SUSD1: variants seen among roughly 807,000 people sequenced by gnomAD.
SUSD1 encodes the protein sushi domain-containing protein 1.
SUSD1 carries 65 observed loss-of-function variants against 86.9 expected under a neutral mutation model. That is an observed-to-expected ratio of 0.75 (90% CI 0.61 to 0.92). SUSD1 has a LOEUF of 0.92. SUSD1 is among the 40% of genes least tolerant of loss of function. The pLI is 0.00. For missense variants in SUSD1, 850 were observed against 929.7 expected, an observed-to-expected ratio of 0.91 and a Z score of 1.11; for synonymous variants, 346 against 350.0, an observed-to-expected ratio of 0.99 and a Z score of 0.13.
At chr9:112,142,682 T>C in intron 4 of SUSD1, 183 bp from the exon 5 acceptor site, 1 of 586,370 alleles carries the variant, frequency 1.7e-6, no homozygotes, top group East Asian at 3.0e-5. Context: ...TTCAATCTTT[T>C]GGCCTTCCAT....
chr9:112,137,612 G>A (rs1589708234), intron 5 of SUSD1, among the ~76,000 whole-genome samples: 1 of 152,136 alleles, frequency 6.6e-6, no homozygotes, highest in Non-Finnish European at 1.5e-5. Context: ...CCCTGAGGAT[G>A]ATAATTAATG....
At chr9:112,062,706 AAAAT>A (rs1473277623) in intron 13 of SUSD1, among the ~76,000 whole-genome samples, 12 of 152,156 alleles carry the variant, frequency 7.9e-5, no homozygotes, top group African/African-American at 2.9e-4. Context: ...AAAAAAATAA[AAAAT>A]AAAATTTAAA....
At chr9:112,065,020 G>A (rs1828915802) in intron 12 of SUSD1, among the ~76,000 whole-genome samples, 2 of 152,054 alleles carry the variant, frequency 1.3e-5, no homozygotes, top group Admixed American at 1.3e-4. Context: ...TATTATCTCA[G>A]AAAAACTCAT....
intron 2 of SUSD1, among the ~76,000 whole-genome samples, chr9:112,153,168 G>A (rs981206802): frequency 3.3e-5 from 5 of 151,600 alleles, no homozygotes; most frequent in African/African-American, 7.3e-5. Context: ...TTGGGAGGCC[G>A]AGGTGGAAGG....
Position 112,124,434 on chromosome 9 carries a change from T to G in SUSD1, c.709A>C (p.Ile237Leu). 1.2e-6 allele frequency: 2 copies of G among 1,613,744 alleles called. No homozygotes were observed. Among genetic ancestry groups the G allele is most frequent in the East Asian group, 4.5e-5 (2 of 44,880 alleles). The change falls in exon 6 of 17, where the codon ATC becomes CTC. Residue 237 changes from isoleucine (I) to leucine (L), a missense_variant and splice_region_variant. By Grantham distance (5) the Ile-to-Leu change is conservative (BLOSUM62 2). Coordinates refer to ENST00000374270, the MANE Select transcript of SUSD1 (RefSeq NM_022486.5). Reference protein sequence around the residue: ...WESPKLHCQEINCGNPPEMRH... With the variant: ...WESPKLHCQELNCGNPPEMRH... ...ATTTCTGGAGGGTTGCCACAGTTGA[T>G]CTCTGCAATGGGAACCAAGACAGCA...
intron 1 of SUSD1, among the ~76,000 whole-genome samples, chr9:112,166,990 C>G (rs1036331996): frequency 3.9e-5 from 6 of 152,162 alleles, no homozygotes; most frequent in Non-Finnish European, 5.9e-5. Flanking sequence ...CAGTGACTAC[C>G]CCAGCTAAAA....
At chr9:112,166,963 T>C (rs148622935) in intron 1 of SUSD1, among the ~76,000 whole-genome samples, 2,658 of 152,286 alleles carry the variant, frequency 0.017, 39 homozygotes, top group South Asian at 0.045. Context: ...CTAGCTTCAC[T>C]ACCCGTCCCA....
intron 5 of SUSD1, among the ~76,000 whole-genome samples, chr9:112,136,978 T>C (rs1310746673): frequency 6.6e-6 from 1 of 152,118 alleles, no homozygotes; most frequent in Admixed American, 6.5e-5. Context: ...TTTTTCATCA[T>C]CACCTCCCAT....
chr9:112,147,928 G>T (rs912321602), intron 3 of SUSD1, among the ~76,000 whole-genome samples: 1 of 151,916 alleles, frequency 6.6e-6, no homozygotes, highest in African/African-American at 2.4e-5. Context: ...CCAGTAATTT[G>T]CTACCTAGAA....
intron 6 of SUSD1, among the ~76,000 whole-genome samples, chr9:112,117,801 T>C (rs1831390731): frequency 6.6e-6 from 1 of 152,152 alleles, no homozygotes; most frequent in African/African-American, 2.4e-5. Context: ...GTTGAATGGA[T>C]GGATAAAGGA....
At chr9:112,052,338 A>G (rs185197964) in intron 15 of SUSD1, 61 bp downstream of exon 15, 1 of 1,613,232 alleles carries the variant, frequency 6.2e-7, no homozygotes, top group African/African-American at 1.3e-5. Context: ...TCTCATCAAT[A>G]TGAACTTGAT....
At chr9:112,135,449 GTA>G (rs1832220618) in intron 5 of SUSD1, among the ~76,000 whole-genome samples, 1 of 152,134 alleles carries the variant, frequency 6.6e-6, no homozygotes, top group Admixed American at 6.6e-5. Flanking sequence ...GATAGGGTGT[GTA>G]AAAGCATGAA....
intron 8 of SUSD1, among the ~76,000 whole-genome samples, chr9:112,105,456 C>T (rs1277651137): frequency 2.0e-5 from 3 of 152,088 alleles, no homozygotes; most frequent in African/African-American, 4.8e-5. Flanking sequence ...TAGTGGCTCA[C>T]GCCTGTAATC....
In SUSD1 at chr9:112,124,365, C is replaced by G. The variant is rs372453127; in HGVS notation, c.778G>C (p.Gly260Arg). 4.3e-6 allele frequency: 7 copies of G among 1,614,060 alleles called. No individual in the cohort carries two copies. Among genetic ancestry groups the G allele is most frequent in the Non-Finnish European group, 5.9e-6 (7 of 1,180,006 alleles). Residue 260 changes from glycine to arginine, a missense_variant, in exon 6 of 17, where the codon GGT (glycine) becomes CGT (arginine). Gly to Arg is a moderately radical substitution (Grantham distance 125). Transcript: ENST00000374270. ...LVGNHSSRLG[G>R]VARYVCQEGF... Reference sequence around the variant, plus strand: ...TCTTGACAGACATAGCGAGCCACACCGCCCAGCCTGGAGCTGTGATTTCCT... The same window carrying G: ...TCTTGACAGACATAGCGAGCCACACGGCCCAGCCTGGAGCTGTGATTTCCT...
intron 6 of SUSD1, among the ~76,000 whole-genome samples, chr9:112,116,515 C>T (rs1014927200): frequency 2.0e-5 from 3 of 152,246 alleles, no homozygotes; most frequent in African/African-American, 7.2e-5. Context: ...TGTCCCAGGG[C>T]TCTTTCATTC....
rs147229174 is a variant in SUSD1, at chr9:112,106,547, T to C, written c.1172-4262A>G. ...GATAGAGAAATAATAGAGAACGTGG[T>C]TTGAAAAGACTGTCAGTAAGCACTG... On this transcript the variant is annotated intron_variant, in intron 8 of 16. Coordinates refer to ENST00000374270, the MANE Select transcript of SUSD1 (RefSeq NM_022486.5). Among the ~76,000 whole-genome samples, 52 of 151,904 alleles carry C rather than the reference T, an allele frequency of 3.4e-4. No homozygotes were observed. In the East Asian group the frequency reaches 0.01, roughly 30 times the overall value.
chr9:112,155,410 C>A (rs922397707), intron 2 of SUSD1, among the ~76,000 whole-genome samples: 2 of 152,070 alleles, frequency 1.3e-5, no homozygotes, highest in Non-Finnish European at 2.9e-5. Context: ...AGGAGAAATT[C>A]CCCCTGGAGC....
At chr9:112,174,046 G>A (rs565569253) in intron 1 of SUSD1, 76 of 43,302 alleles carry the variant, frequency 1.8e-3, no homozygotes, top group South Asian at 5.3e-3. Flanking sequence ...TCCCTGAGAC[G>A]GCTTCCAGTG....
chr9:112,152,751 C>CTTTTTTTTTTTTT (rs71382410), intron 2 of SUSD1, among the ~76,000 whole-genome samples: 28 of 87,476 alleles, frequency 3.2e-4, no homozygotes, highest in East Asian at 3.5e-4. Context: ...TTTTTTTAAT[C>CTTTTTTTTTTTTT]TTTTTTTTTT....
Sources: allele counts gnomAD v4.1 joint callset (sites outside exome capture counted in the v4.1 genomes callset), GRCh38; gene constraint gnomAD v4.1.1; transcripts MANE v1.5; gene names NCBI Gene and HGNC (gene_info 2026-07-23, HGNC 2026-07-21).